The following GALNTL6 variants were observed in gnomAD, a reference collection of about 807,000 sequenced individuals.
GALNTL6 encodes the protein polypeptide N-acetylgalactosaminyltransferase like 6.
A neutral mutation model predicts 73.7 loss-of-function variants in GALNTL6; 46 were observed. The ratio of observed to expected loss-of-function variants is 0.62; its 90% CI spans 0.49 to 0.80. GALNTL6 has a LOEUF of 0.80. Ranked by LOEUF, GALNTL6 falls within the 30% of genes least tolerant of loss-of-function variation. The pLI, the probability that GALNTL6 is intolerant of heterozygous loss-of-function variation, is 0.00. For synonymous variants in GALNTL6, 259 were observed against 263.7 expected, an observed-to-expected ratio of 0.98 and a Z score of 0.17; for missense variants, 604 against 755.0, an observed-to-expected ratio of 0.80 and a Z score of 2.34.
chr4:172,372,822 G>T (rs1210417897), intron 5 of GALNTL6, among the ~76,000 whole-genome samples: 1 of 152,118 alleles, frequency 6.6e-6, no homozygotes, highest in African/African-American at 2.4e-5. Context: ...TCCATAGTCG[G>T]CAAAAGCTGT....
chr4:171,945,365 T>C (rs1357061306), intron 2 of GALNTL6, among the ~76,000 whole-genome samples: 1 of 152,086 alleles, frequency 6.6e-6, no homozygotes, highest in East Asian at 1.9e-4. Context: ...TCTTATTTTT[T>C]CTCAAAGTTT....
chr4:172,465,546 A>T (rs773882949), intron 5 of GALNTL6, among the ~76,000 whole-genome samples: 63 of 152,168 alleles, frequency 4.1e-4, no homozygotes, highest in Non-Finnish European at 7.6e-4. Context: ...GAGATTTTTT[A>T]AAAATTTATG....
At chr4:173,000,533 T>G (rs1189958700) in intron 10 of GALNTL6, among the ~76,000 whole-genome samples, 3 of 152,206 alleles carry the variant, frequency 2.0e-5, no homozygotes, top group Admixed American at 2.0e-4. Context: ...ATGGAATATT[T>G]TGTGAAAATA....
intron 12 of GALNTL6, among the ~76,000 whole-genome samples, chr4:173,028,523 T>C (rs1219988674): frequency 6.6e-6 from 1 of 152,218 alleles, no homozygotes; most frequent in Non-Finnish European, 1.5e-5. Flanking sequence ...CTTAAAACAC[T>C]GTATATTATA....
chr4:172,393,571 T>G (rs1743741908), intron 5 of GALNTL6, among the ~76,000 whole-genome samples: 1 of 152,204 alleles, frequency 6.6e-6, no homozygotes, highest in Non-Finnish European at 1.5e-5. Context: ...ATCTCATCTT[T>G]TGCTTAATTG....
At chr4:171,986,412 T>C (rs1469570134) in intron 2 of GALNTL6, among the ~76,000 whole-genome samples, 1 of 152,148 alleles carries the variant, frequency 6.6e-6, no homozygotes, top group African/African-American at 2.4e-5. Flanking sequence ...TCTGGATGTG[T>C]ACGTGCAGGT....
At chr4:172,243,840 T>C (rs1737532685) in intron 3 of GALNTL6, among the ~76,000 whole-genome samples, 1 of 152,136 alleles carries the variant, frequency 6.6e-6, no homozygotes, top group Non-Finnish European at 1.5e-5. Flanking sequence ...GATTGTGAAC[T>C]AAACAGAATG....
chr4:172,464,711 A>AAATAATAAT (rs541423027), intron 5 of GALNTL6, among the ~76,000 whole-genome samples: 1 of 150,990 alleles, frequency 6.6e-6, no homozygotes, highest in Non-Finnish European at 1.5e-5. Flanking sequence ...TCTGTCTCAA[A>AAATAATAAT]AATAATAATA....
intron 2 of GALNTL6, among the ~76,000 whole-genome samples, chr4:172,010,434 A>G (rs1037813530): frequency 6.6e-6 from 1 of 152,130 alleles, no homozygotes; most frequent in South Asian, 2.1e-4. Context: ...TGCATAGAAT[A>G]GGAGAAAATA....
intron 12 of GALNTL6, among the ~76,000 whole-genome samples, chr4:173,039,536 GTA>G (rs1289140827): frequency 7.9e-5 from 12 of 152,204 alleles, no homozygotes; most frequent in Admixed American, 4.6e-4. Context: ...AATTTTTTGT[GTA>G]TGTGTTTCTT....
At chr4:172,498,189 C>A (rs925969883) in intron 5 of GALNTL6, among the ~76,000 whole-genome samples, 2 of 151,948 alleles carry the variant, frequency 1.3e-5, no homozygotes, top group African/African-American at 4.8e-5. Flanking sequence ...CAGGGTTTCA[C>A]CTTGTTGCCA....
chr4:171,879,606 C>A (rs1053904888), intron 2 of GALNTL6, among the ~76,000 whole-genome samples: 2 of 152,042 alleles, frequency 1.3e-5, no homozygotes, highest in Non-Finnish European at 2.9e-5. Context: ...AACAAACAAC[C>A]AATATCCACT....
Position 172,803,954 on chromosome 4 carries a change from T to G in GALNTL6, c.554-5407T>G, listed in dbSNP as rs1002144914. The stretch of plus-strand genomic sequence containing the variant: ...TCAAATGCTATCAAAAGGGACTGAT[T>G]TAGTGTGTTCTACTAGGACACGAAG... On this transcript the variant is annotated intron_variant, in intron 5 of 12. Transcript: ENST00000506823. Among the ~76,000 whole-genome samples the G allele has an allele frequency of 2.0e-5, 3 of 152,136 alleles. No homozygotes were observed. The East Asian group carries it at 5.8e-4, about 29-fold the overall frequency.
intron 5 of GALNTL6, among the ~76,000 whole-genome samples, chr4:172,501,765 T>C (rs1734269687): frequency 6.6e-6 from 1 of 152,054 alleles, no homozygotes. Context: ...TTGCCTTATT[T>C]AAAAAAATTA....
chr4:172,858,766 G>A (rs556342435), intron 7 of GALNTL6, among the ~76,000 whole-genome samples: 2 of 152,132 alleles, frequency 1.3e-5, no homozygotes, highest in African/African-American at 2.4e-5. Flanking sequence ...GCAGCCTAAC[G>A]AGCTGACCCA....
chr4:172,844,177 T>C (rs1743367030), intron 7 of GALNTL6, among the ~76,000 whole-genome samples: 1 of 152,224 alleles, frequency 6.6e-6, no homozygotes, highest in Non-Finnish European at 1.5e-5. Flanking sequence ...ACCGCGTACA[T>C]TGAGCCATGT....
intron 7 of GALNTL6, among the ~76,000 whole-genome samples, chr4:172,839,066 G>C (rs1304405378): frequency 6.6e-6 from 1 of 152,186 alleles, no homozygotes; most frequent in Non-Finnish European, 1.5e-5. Context: ...AACAGCCAGA[G>C]AGTTCATAAT....
intron 5 of GALNTL6, among the ~76,000 whole-genome samples, chr4:172,405,431 ATATATATATATATTTTTTTTTTTTTTTTT>A (rs1441606144): frequency 0.018 from 77 of 4,314 alleles, no homozygotes; most frequent in African/African-American, 0.034. Flanking sequence ...ATATATATAT[ATATATATATATATTTTTTTTTTTTTTTTT>A]TTTTTTCTCC....
intron 5 of GALNTL6, among the ~76,000 whole-genome samples, chr4:172,606,298 T>C (rs1482619052): frequency 6.6e-6 from 1 of 151,190 alleles, no homozygotes; most frequent in Admixed American, 6.6e-5. Flanking sequence ...CTACTAAAAA[T>C]ACAAAATTAG....
Sources: gnomAD v4.1 joint callset for allele counts (sites outside exome capture counted in the v4.1 genomes callset) on GRCh38, gnomAD v4.1.1 for gene constraint, MANE v1.5 for transcripts, NCBI Gene and HGNC (gene_info 2026-07-23, HGNC 2026-07-21) for gene names.